Variants in EXTL3 observed in about 807,000 individuals in gnomAD.
The protein encoded by EXTL3 is exostosin-like 3.
EXTL3 carries 27 observed loss-of-function variants against 69.3 expected under a neutral mutation model. The ratio of observed to expected loss-of-function variants is 0.39; its 90% CI spans 0.29 to 0.54. The LOEUF is 0.54. Among genes scored for constraint, EXTL3 ranks in the 20% least tolerant of loss-of-function variants. The probability of loss-of-function intolerance (pLI) is 0.69; values close to 1 mark genes in which losing one functional copy is unlikely to be tolerated. For missense variants in EXTL3, 1,003 were observed against 1,231.8 expected (o/e 0.81, Z 2.78); for synonymous variants, 511 against 499.4 (o/e 1.02, Z -0.31).
intron 1 of EXTL3, among the ~76,000 whole-genome samples, chr8:28,640,589 C>T (rs1268995716): frequency 6.6e-6 from 1 of 152,128 alleles, no homozygotes; most frequent in Non-Finnish European, 1.5e-5. Flanking sequence ...TTTATTAGCA[C>T]TTTTATGTAT....
At chr8:28,648,332 G>A (rs531763556) in intron 1 of EXTL3, among the ~76,000 whole-genome samples, 2 of 152,014 alleles carry the variant, frequency 1.3e-5, no homozygotes, top group Non-Finnish European at 2.9e-5. Context: ...TGATTCCTCA[G>A]CTCCTCCAGC....
chr8:28,716,356 G>A lies in EXTL3; in HGVS notation c.297G>A (p.Lys99=), dbSNP rs370448870. ...VSEELLQLEA[K]RQELNSEIAK... ...AAGAGCTCCTGCAGCTGGAGGCCAA[G>A]CGCCAAGAGCTGAACAGCGAGATCG... The change falls in exon 3 of 7, where the codon AAG becomes AAA. Residue 99 remains lysine, a synonymous_variant. Transcript: ENST00000220562. The surrounding 1 kb of genome is among the most constrained non-coding windows in gnomAD (Gnocchi z 7.1). 2.0e-4 allele frequency: 319 copies of A among 1,613,966 alleles called. 1 individual carries two copies. Among genetic ancestry groups the A allele is most frequent in the Non-Finnish European group, 2.5e-4 (295 of 1,180,034 alleles).
intron 1 of EXTL3, among the ~76,000 whole-genome samples, chr8:28,680,954 T>C (rs998611421): frequency 6.6e-6 from 1 of 152,104 alleles, no homozygotes; most frequent in Non-Finnish European, 1.5e-5. Flanking sequence ...CTCAGCTCAC[T>C]GCAACCTCCG....
At position 28,755,022 on chromosome 8, in the gene EXTL3, A is replaced by C. The variant is rs1391968924; in HGVS notation, c.*4156A>C. 1 of 152,266 alleles carries C rather than the reference A, an allele frequency of 6.6e-6. No homozygotes were observed. The allele number at this position is 152,266 out of a possible 1,614,324, so 9.4% of individuals were successfully genotyped here. A position where few individuals can be genotyped will look rare whatever the true frequency, so the allele number is the denominator to read the frequency against. On this transcript the variant is annotated 3_prime_UTR_variant, in exon 7 of 7. Coordinates refer to ENST00000220562, the MANE Select transcript of EXTL3 (RefSeq NM_001440.4). ...GCTGCCCATCACACTGGTGGAGAGC[A>C]AGTTATCTATTACTATTTTAGGCTC...
intron 1 of EXTL3, among the ~76,000 whole-genome samples, chr8:28,695,741 G>A (rs1800676171): frequency 6.6e-6 from 1 of 152,136 alleles, no homozygotes; most frequent in Admixed American, 6.5e-5. Flanking sequence ...AGGAGGTCAT[G>A]CGGTAAATAT....
At chr8:28,731,925 T>TA (rs1801547123) in intron 4 of EXTL3, among the ~76,000 whole-genome samples, 1 of 152,192 alleles carries the variant, frequency 6.6e-6, no homozygotes, top group Admixed American at 6.5e-5. Flanking sequence ...GTTGAACCCG[T>TA]ACTGTGTGCC....
upstream of EXTL3, among the ~76,000 whole-genome samples, chr8:28,698,786 G>A (rs868707373): frequency 5.3e-5 from 8 of 152,306 alleles, no homozygotes; most frequent in African/African-American, 1.9e-4. Flanking sequence ...TTGAGGTCAG[G>A]AGTTTGAGAC....
Position 28,754,050 on chromosome 8 carries a change from G to GTA in EXTL3, c.*3185_*3186insAT, listed in dbSNP as rs1422672813. ...TTAAAATGCGTGTGTGTGTGTGTGT[G>GTA]TGTGTGTGTGTAGTGGTTGTGGGGA... On this transcript the variant is annotated 3_prime_UTR_variant, in exon 7 of 7. Coordinates refer to ENST00000220562, the MANE Select transcript of EXTL3 (RefSeq NM_001440.4). The GTA allele has an allele frequency of 6.6e-6, 1 of 152,438 alleles. No individual in the cohort carries two copies. Among genetic ancestry groups the GTA allele is most frequent in the African/African-American group, 2.4e-5 (1 of 41,378 alleles). The allele number at this position is 152,438 out of a possible 1,614,324, so 9.4% of individuals were successfully genotyped here.
intron 1 of EXTL3, chr8:28,678,236 A>G (rs140546308): frequency 0.022 from 3,414 of 152,348 alleles, 58 homozygotes; most frequent in Non-Finnish European, 0.032. Flanking sequence ...TCGATCACAC[A>G]CTGAATTGTT....
upstream of EXTL3, among the ~76,000 whole-genome samples, chr8:28,618,140 TTTATC>T (rs550263414): frequency 1.5e-3 from 227 of 152,126 alleles, 1 homozygote; most frequent in African/African-American, 5.2e-3. Flanking sequence ...AATGACAAAC[TTTATC>T]TTATCTTAAA....
intron 1 of EXTL3, among the ~76,000 whole-genome samples, chr8:28,709,225 G>C (rs1800982259): frequency 6.6e-6 from 1 of 152,214 alleles, no homozygotes; most frequent in Non-Finnish European, 1.5e-5. Flanking sequence ...AGGAATAACA[G>C]TAAACCCACT....
chr8:28,632,678 G>C (rs1379788127), intron 1 of EXTL3, among the ~76,000 whole-genome samples: 1 of 150,036 alleles, frequency 6.7e-6, no homozygotes, highest in Non-Finnish European at 1.5e-5. Context: ...CTCAGCCTTC[G>C]AAATAGCAGG....
chr8:28,690,916 G>A (rs750803251), intron 1 of EXTL3, among the ~76,000 whole-genome samples: 1 of 152,160 alleles, frequency 6.6e-6, no homozygotes, highest in Non-Finnish European at 1.5e-5. Context: ...CCAGGGGGCA[G>A]GGATCATTGG....
At chr8:28,665,063 C>CTTTT (rs1222832851) in intron 1 of EXTL3, among the ~76,000 whole-genome samples, 5 of 62,408 alleles carry the variant, frequency 8.0e-5, no homozygotes, top group African/African-American at 2.7e-4. Context: ...TTTTCCTTTA[C>CTTTT]TTTTTTTTTT....
At chr8:28,619,380 G>A (rs181460481), upstream of EXTL3, among the ~76,000 whole-genome samples, 1 of 144,600 alleles carries the variant, frequency 6.9e-6, no homozygotes, top group East Asian at 2.1e-4. Context: ...TCCTGGGGGA[G>A]AAGCGAAAGA....
rs781345421 is a variant in EXTL3 at position 28,750,737 on chromosome 8, C to T, written c.2631C>T (p.His877=). The T allele has an allele frequency of 2.5e-6, 4 of 1,614,220 alleles. 1 individual carries two copies. Among genetic ancestry groups the T allele is most frequent in the Admixed American group, 3.3e-5 (2 of 60,032 alleles). Residue 877 remains histidine, a synonymous_variant, in exon 7 of 7, where the codon CAC becomes CAT. Coordinates refer to ENST00000220562, the MANE Select transcript of EXTL3 (RefSeq NM_001440.4). This position sits in a 1 kb window ranked among gnomAD's most constrained non-coding sequence, Gnocchi z 5.2. ...ATGACTCCCACTTCCACGAGCGGCA[C>T]AAGTGCATCAACTTCTTCGTGAAGG... ...SHDDSHFHER[H]KCINFFVKVY...
At chr8:28,618,498 G>A (rs1355457032), upstream of EXTL3, among the ~76,000 whole-genome samples, 4 of 152,140 alleles carry the variant, frequency 2.6e-5, no homozygotes, top group Non-Finnish European at 5.9e-5. Flanking sequence ...ACCCAGGGCT[G>A]GCAGTGAATG....
intron 1 of EXTL3, among the ~76,000 whole-genome samples, chr8:28,677,786 G>A (rs958414465): frequency 6.6e-6 from 1 of 152,216 alleles, no homozygotes; most frequent in Non-Finnish European, 1.5e-5. Context: ...CTATCTGCCT[G>A]TGTGCTGCAC....
At chr8:28,711,560 G>C (rs575971140) in intron 1 of EXTL3, among the ~76,000 whole-genome samples, 1 of 152,274 alleles carries the variant, frequency 6.6e-6, no homozygotes, top group Admixed American at 6.5e-5. Context: ...AATGAGCTCA[G>C]GGAGATTATG....
Sources: gnomAD v4.1 joint callset for allele counts (sites outside exome capture counted in the v4.1 genomes callset) on GRCh38, gnomAD v4.1.1 for gene constraint, Gnocchi (gnomAD v3.1) non-coding constraint, MANE v1.5 for transcripts, NCBI Gene and HGNC (gene_info 2026-07-23, HGNC 2026-07-21) for gene names.